The following BAHCC1 variants were observed in gnomAD, a reference collection of about 807,000 sequenced individuals.
BAHCC1 encodes the protein BAH and coiled-coil domain-containing protein 1.
BAHCC1 carries 43 observed loss-of-function variants against 88.2 expected under a neutral mutation model. The ratio of observed to expected loss-of-function variants is 0.49; its 90% CI spans 0.38 to 0.63. The LOEUF is 0.63. Ranked by LOEUF, BAHCC1 falls within the 20% of genes least tolerant of loss-of-function variation. The probability of loss-of-function intolerance (pLI) is 0.00; values close to 1 mark genes in which losing one functional copy is unlikely to be tolerated. For missense variants in BAHCC1, 3,023 were observed against 1,654.8 expected (o/e 1.83, Z -14.34); for synonymous variants, 1,510 against 745.5 (o/e 2.03, Z -16.71).
chr17:81,458,788 C>G (rs534569828), intron 19 of BAHCC1, 25 bp from the exon 20 acceptor site: 1 of 760,770 alleles, frequency 1.3e-6, no homozygotes, highest in East Asian at 2.5e-5. Context: ...GCACCCCACC[C>G]AAGCCTGACT....
intron 13 of BAHCC1, 21 bp from the exon 14 acceptor site, chr17:81,452,702 C>A (rs781852014): frequency 1.1e-5 from 8 of 740,854 alleles, no homozygotes; most frequent in Middle Eastern, 4.6e-4. Context: ...AGCCTCTGAC[C>A]ATCCCCCCTG....
chr17:81,419,452 C>A (rs918674300), intron 2 of BAHCC1, among the ~76,000 whole-genome samples: 1 of 152,276 alleles, frequency 6.6e-6, no homozygotes, highest in Non-Finnish European at 1.5e-5. Flanking sequence ...CCTCCCCTCC[C>A]GTCCTGCACA....
rs962193491 is a variant in BAHCC1, at chr17:81,427,879, G to A, written c.358+900G>A. On this transcript the variant is annotated intron_variant, in intron 3 of 27. Coordinates refer to ENST00000675386, the MANE Select transcript of BAHCC1 (RefSeq NM_001377448.1). The stretch of plus-strand genomic sequence containing the variant: ...AGAGCGCCGCGGACCCACACACCAC[G>A]CCACCGCCCCGTTCCAGGCAGGGAG... Among the ~76,000 whole-genome samples the A allele has an allele frequency of 3.3e-3, 498 of 152,258 alleles. 2 individuals carry two copies. Among genetic ancestry groups the A allele is most frequent in the African/African-American group, 0.011 (460 of 41,550 alleles).
At chr17:81,444,847 C>T (rs2064493281) in intron 8 of BAHCC1, 21 bp downstream of exon 8, 2 of 766,430 alleles carry the variant, frequency 2.6e-6, no homozygotes, top group Admixed American at 1.8e-5. Flanking sequence ...CTGGTCCAGG[C>T]TGCTGTACTT....
rs1263503544 is a variant in BAHCC1, at chr17:81,434,127, G to C, written c.359-4243G>C. Among the ~76,000 whole-genome samples the C allele has an allele frequency of 8.5e-5, 13 of 152,204 alleles. No homozygotes were observed. The highest frequency in any genetic ancestry group is 8.5e-4 in the Admixed American group (13 of 15,286). On this transcript the variant is annotated intron_variant, in intron 3 of 27. Transcript: ENST00000675386. The surrounding 1 kb of genome is among the most constrained non-coding windows in gnomAD (Gnocchi z 4.9). ...AACAGGGGATCTGGCAGAGTTGGCA[G>C]GAGGTGGGGGAGGGGTGTCTGCTTC...
chr17:81,410,643 G>A (rs550658045), intron 2 of BAHCC1, among the ~76,000 whole-genome samples: 173 of 152,300 alleles, frequency 1.1e-3, no homozygotes, highest in East Asian at 3.3e-3. Context: ...CAGTGCAGAC[G>A]CTCTGGACCC....
intron 2 of BAHCC1, among the ~76,000 whole-genome samples, chr17:81,413,524 C>T (rs1191613949): frequency 6.6e-6 from 1 of 152,228 alleles, no homozygotes; most frequent in Non-Finnish European, 1.5e-5. Context: ...ACCCGTGGAC[C>T]GTCCCCACCC....
rs782286676 is a variant in BAHCC1, at chr17:81,458,321, G to A, written c.5198G>A (p.Arg1733Gln). 9 of 744,122 alleles carry A rather than the reference G, an allele frequency of 1.2e-5. No individual in the cohort carries two copies. The highest frequency in any genetic ancestry group is 2.0e-5 in the Non-Finnish European group (8 of 401,402). 46.1% of individuals were successfully genotyped at this position (744,122 alleles called of 1,614,324 possible). ...KAKGKAKGSL[R>Q]AEPGATPSRD... The stretch of plus-strand genomic sequence containing the variant: ...AAGGGCAAGGCCAAGGGCAGCCTGC[G>A]GGCAGAGCCGGGGGCCACCCCCAGC... The change falls in exon 18 of 28, where the codon CGG (arginine) becomes CAG (glutamine). Residue 1733 changes from arginine (R) to glutamine (Q), a missense_variant. Arg to Gln is a conservative substitution (Grantham distance 43, BLOSUM62 1). Transcript: ENST00000675386.
chr17:81,447,199 C>T lies in BAHCC1; in HGVS notation c.3327C>T (p.Cys1109=), dbSNP rs1555654689. The T allele has an allele frequency of 1.3e-6, 1 of 762,770 alleles. No homozygotes were observed. 47.3% of individuals were successfully genotyped at this position (762,770 alleles called of 1,614,324 possible). A position where few individuals can be genotyped will look rare whatever the true frequency, so the allele number is the denominator to read the frequency against. ...RTFLPGEPPP[C]SPRSLEEPGL... is the part of the protein sequence containing the mutation. Reference sequence around the variant, plus strand: ...TCCTGCCTGGGGAGCCGCCTCCCTGCAGCCCCAGGAGCCTGGAGGAGCCCG... The same window carrying T: ...TCCTGCCTGGGGAGCCGCCTCCCTGTAGCCCCAGGAGCCTGGAGGAGCCCG... The change falls in exon 11 of 28, where the codon TGC becomes TGT. Residue 1109 remains cysteine (C), a synonymous_variant. Transcript: ENST00000675386.
intron 3 of BAHCC1, among the ~76,000 whole-genome samples, chr17:81,436,203 C>G (rs1297519886): frequency 6.6e-6 from 1 of 152,208 alleles, no homozygotes; most frequent in African/African-American, 2.4e-5. Context: ...GATGGGGGCA[C>G]CAGCCAGGCC....
intron 2 of BAHCC1, among the ~76,000 whole-genome samples, chr17:81,406,094 T>C (rs2063874941): frequency 6.6e-6 from 1 of 152,234 alleles, no homozygotes; most frequent in African/African-American, 2.4e-5. Context: ...AGAAGCTGCC[T>C]GCCTTCTTAA....
In BAHCC1 at chr17:81,399,654, T is replaced by C; in HGVS notation, c.-86T>C. On this transcript the variant is annotated 5_prime_UTR_variant, in exon 2 of 28. Coordinates refer to ENST00000675386, the MANE Select transcript of BAHCC1 (RefSeq NM_001377448.1). The surrounding 1 kb of genome is among the most constrained non-coding windows in gnomAD (Gnocchi z 4.5). ...GCCTGTGACCCCGGACGCCGCCGCC[T>C]CTGCGCCGCCCGCGCGCCGAGCCGC... The C allele has an allele frequency of 1.1e-6, 1 of 877,968 alleles. No individual in the cohort carries two copies. Among genetic ancestry groups the C allele is most frequent in the Non-Finnish European group, 1.4e-6 (1 of 728,406 alleles). 54.4% of individuals were successfully genotyped at this position (877,968 alleles called of 1,614,324 possible). A position where few individuals can be genotyped will look rare whatever the true frequency, so the allele number is the denominator to read the frequency against.
rs2064316196 is a variant in BAHCC1 at position 81,434,960 on chromosome 17, G to A, written c.359-3410G>A. Reference sequence around the variant, plus strand: ...GGTGGGGGCTCCTCCTCCCTCCCCAGGGGTGAGAAGCCACCAGGCCTCCCT... The same window carrying A: ...GGTGGGGGCTCCTCCTCCCTCCCCAAGGGTGAGAAGCCACCAGGCCTCCCT... On this transcript the variant is annotated intron_variant, in intron 3 of 27. Transcript: ENST00000675386. The surrounding 1 kb of genome is among the most constrained non-coding windows in gnomAD (Gnocchi z 4.9). 6.6e-6 allele frequency among the ~76,000 whole-genome samples: 1 copy of A among 152,054 alleles called. No individual in the cohort carries two copies.
chr17:81,418,475 G>A (rs982689283), intron 2 of BAHCC1, among the ~76,000 whole-genome samples: 3 of 152,150 alleles, frequency 2.0e-5, no homozygotes, highest in Non-Finnish European at 4.4e-5. Context: ...GCAGTGGGCT[G>A]GGGGGCTGGA....
At chr17:81,441,221 G>T (rs2064409234) in intron 4 of BAHCC1, among the ~76,000 whole-genome samples, 1 of 152,220 alleles carries the variant, frequency 6.6e-6, no homozygotes, top group African/African-American at 2.4e-5. Flanking sequence ...CACGGGGACA[G>T]AACTGCGGTT....
intron 3 of BAHCC1, among the ~76,000 whole-genome samples, chr17:81,432,116 T>C (rs1483593183): frequency 2.0e-5 from 3 of 152,166 alleles, no homozygotes; most frequent in African/African-American, 7.2e-5. Context: ...CCAGACCCCA[T>C]GTGATACAGA....
chr17:81,455,691 G>A (rs1409552395), intron 15 of BAHCC1, among the ~76,000 whole-genome samples: 2 of 152,240 alleles, frequency 1.3e-5, no homozygotes, highest in African/African-American at 4.8e-5. Flanking sequence ...TCCCTGGAAC[G>A]AGGCCCTGCC....
intron 16 of BAHCC1, among the ~76,000 whole-genome samples, chr17:81,457,144 G>A (rs1322533973): frequency 6.6e-6 from 1 of 152,128 alleles, no homozygotes; most frequent in Non-Finnish European, 1.5e-5. Flanking sequence ...TGGGGAGGGG[G>A]CCCCAGCCCT....
At chr17:81,412,684 C>CG (rs1433332220) in intron 2 of BAHCC1, among the ~76,000 whole-genome samples, 1 of 150,926 alleles carries the variant, frequency 6.6e-6, no homozygotes, top group East Asian at 1.9e-4. Context: ...CCCGTCCGCG[C>CG]CCCCCGCCCC....
Sources: allele counts gnomAD v4.1 joint callset (sites outside exome capture counted in the v4.1 genomes callset), GRCh38; gene constraint gnomAD v4.1.1; non-coding constraint Gnocchi (gnomAD v3.1); transcripts MANE v1.5; gene names NCBI Gene and HGNC (gene_info 2026-07-23, HGNC 2026-07-21).